The following CWC22 variants were observed in gnomAD, a reference collection of about 807,000 sequenced individuals.
CWC22 encodes pre-mRNA-splicing factor CWC22 homolog.
CWC22 carries 53 observed loss-of-function variants against 117.2 expected under a neutral mutation model. The observed-to-expected ratio is 0.45, with a 90% CI of 0.36 to 0.57. CWC22 has a LOEUF of 0.57. Among genes scored for constraint, CWC22 ranks in the 20% least tolerant of loss-of-function variants. CWC22 has a pLI of 0.00. For missense variants in CWC22, 980 were observed against 1,068.8 expected (o/e 0.92, Z 1.16); for synonymous variants, 360 against 355.6 (o/e 1.01, Z -0.14).
chr2:179,946,476 AAGGGGAGGGG>A (rs1686305587), intron 19 of CWC22, among the ~76,000 whole-genome samples: 1 of 68,646 alleles, frequency 1.5e-5, no homozygotes, highest in African/African-American at 6.1e-5. Context: ...GGGGGGGGGG[AAGGGGAGGGG>A]AGGGAGGAAG....
At chr2:179,980,823 C>T (rs2105539992) in intron 5 of CWC22, among the ~76,000 whole-genome samples, 1 of 152,282 alleles carries the variant, frequency 6.6e-6, no homozygotes, top group East Asian at 1.9e-4. Flanking sequence ...TAAATTATAA[C>T]TATTAATACC....
In CWC22 at chr2:179,945,460, CTACT is replaced by C. The variant is rs774057653; in HGVS notation, c.2392_2395del (p.Ser798GlufsTer12). On this transcript the variant is annotated frameshift_variant, in exon 20 of 20. Transcript: ENST00000410053. LOFTEE classifies it high-confidence loss of function. ...TTCTTGGTCTCTGTCATTCGCAACT[CTACT>C]GTAGTTATTTCGTTCAGAAGGAACA... The C allele has an allele frequency of 1.9e-6, 3 of 1,612,960 alleles. No homozygotes were observed. The Admixed American group carries it at 5.0e-5, about 27-fold the overall frequency.
intron 5 of CWC22, among the ~76,000 whole-genome samples, chr2:179,979,813 A>G (rs1687243546): frequency 6.6e-6 from 1 of 152,182 alleles, no homozygotes; most frequent in East Asian, 1.9e-4. Context: ...CTGATTAATA[A>G]GATGTTGCTC....
At chr2:179,985,539 G>A (rs113213383) in intron 4 of CWC22, among the ~76,000 whole-genome samples, 314 of 151,914 alleles carry the variant, frequency 2.1e-3, no homozygotes, top group African/African-American at 6.9e-3. Context: ...GTTTTAAAGG[G>A]AATTATTAAA....
At position 179,970,581 on chromosome 2, in the gene CWC22, G is replaced by A; in HGVS notation, c.1148-18C>T. ...GAAAACATCTAAAAAAAATGTAAAA[G>A]TTAATGTTTATTTTCTATATTTACA... On this transcript the variant is annotated intron_variant, in intron 10 of 19. Transcript: ENST00000410053. 6.4e-7 allele frequency: 1 copy of A among 1,552,090 alleles called. No homozygotes were observed. The highest frequency in any genetic ancestry group is 8.7e-7 in the Non-Finnish European group (1 of 1,147,352).
intron 1 of CWC22, among the ~76,000 whole-genome samples, chr2:180,000,981 C>A (rs183525037): frequency 3.9e-5 from 6 of 152,250 alleles, no homozygotes; most frequent in Non-Finnish European, 7.4e-5. Context: ...GTTAAGTGAT[C>A]CAATCATTTG....
intron 1 of CWC22, among the ~76,000 whole-genome samples, chr2:180,004,987 AAACT>A (rs1687936251): frequency 6.6e-6 from 1 of 151,864 alleles, no homozygotes; most frequent in Non-Finnish European, 1.5e-5. Context: ...AGAAGTTCTC[AAACT>A]AATTGGCATG....
At position 179,965,970 on chromosome 2, in the gene CWC22, T is replaced by C; in HGVS notation, c.1223A>G (p.Glu408Gly). 6.2e-7 allele frequency: 1 copy of C among 1,609,850 alleles called. No homozygotes were observed. The highest frequency in any genetic ancestry group is 8.5e-7 in the Non-Finnish European group (1 of 1,177,514). ...GTCTGTGTTCGAGTCAGTATCTCCC[T>C]CATCAAGAATTTCTGTAAAGTACAA... ...YKAIKKEILD[E>G]GDTDSNTDQD... The change falls in exon 12 of 20, where the codon GAG (glutamate) becomes GGG (glycine). Residue 408 changes from glutamate (E) to glycine (G), a missense_variant. Around this residue, in one of 3 missense-constraint regions of CWC22, gnomAD observed 559 missense variants for 602.3 expected, o/e 0.93. Transcript: ENST00000410053.
chr2:179,994,962 C>CA (rs1451780209), intron 1 of CWC22, among the ~76,000 whole-genome samples: 2 of 152,130 alleles, frequency 1.3e-5, no homozygotes, highest in East Asian at 3.9e-4. Context: ...TGAAAAATTA[C>CA]AAAAAATTAG....
chr2:180,004,919 T>C (rs1228409394), intron 1 of CWC22, among the ~76,000 whole-genome samples: 1 of 151,150 alleles, frequency 6.6e-6, no homozygotes, highest in Admixed American at 6.6e-5. Context: ...GCAGCAAACA[T>C]GATTCTGAGG....
intron 11 of CWC22, among the ~76,000 whole-genome samples, chr2:179,968,120 A>T (rs898726216): frequency 1.3e-5 from 2 of 152,208 alleles, no homozygotes. Context: ...TATTAATGTT[A>T]ACATTTAAAA....
intron 16 of CWC22, among the ~76,000 whole-genome samples, chr2:179,953,535 T>C (rs533662799): frequency 1.3e-5 from 2 of 152,228 alleles, no homozygotes; most frequent in African/African-American, 4.8e-5. Flanking sequence ...AGGGGCCATG[T>C]ATAATTCACT....
intron 4 of CWC22, 67 bp downstream of exon 4, chr2:179,986,628 C>A: frequency 1.1e-6 from 1 of 894,444 alleles, no homozygotes; most frequent in Non-Finnish European, 1.7e-6. Context: ...GTTTTTATTA[C>A]AAATGTAGCA....
chr2:179,964,802 T>C (rs1165929167), intron 12 of CWC22, among the ~76,000 whole-genome samples, 174 bp from the exon 13 acceptor site: 2 of 152,220 alleles, frequency 1.3e-5, no homozygotes, highest in African/African-American at 4.8e-5. Context: ...CTATTTCAAG[T>C]CTTTTGCTAT....
At chr2:179,979,787 T>C (rs1035972022) in intron 5 of CWC22, among the ~76,000 whole-genome samples, 3 of 152,330 alleles carry the variant, frequency 2.0e-5, no homozygotes, top group African/African-American at 2.4e-5. Flanking sequence ...ACAAGATGCA[T>C]GGCTTAACAA....
At chr2:179,985,000 T>A (rs1277920237) in intron 4 of CWC22, among the ~76,000 whole-genome samples, 1 of 151,976 alleles carries the variant, frequency 6.6e-6, no homozygotes. Context: ...GACATGGTAG[T>A]AGGACAGACA....
intron 5 of CWC22, among the ~76,000 whole-genome samples, chr2:179,978,538 T>A (rs1323516711): frequency 1.3e-5 from 2 of 152,106 alleles, no homozygotes; most frequent in Non-Finnish European, 2.9e-5. Flanking sequence ...CATTTTTCTT[T>A]AATAATACAA....
At chr2:179,972,747 C>T in intron 8 of CWC22, among the ~76,000 whole-genome samples, 1 of 152,124 alleles carries the variant, frequency 6.6e-6, no homozygotes, top group East Asian at 1.9e-4. Context: ...GTGGCTCACA[C>T]CTGTAATCTC....
chr2:179,950,778 T>A, intron 18 of CWC22, 46 bp from the exon 19 acceptor site: 1 of 1,601,420 alleles, frequency 6.2e-7, no homozygotes, highest in Admixed American at 1.7e-5. Flanking sequence ...AAGACAATTA[T>A]GAGATAATTT....
Sources: allele counts gnomAD v4.1 joint callset (sites outside exome capture counted in the v4.1 genomes callset), GRCh38; gene constraint gnomAD v4.1.1; regional missense constraint gnomAD v4.1.1; transcripts MANE v1.5; gene names NCBI Gene and HGNC (gene_info 2026-07-23, HGNC 2026-07-21).